The following UNC13C variants were observed in gnomAD, a reference collection of about 807,000 sequenced individuals.
The protein encoded by UNC13C is unc-13 homolog C, also known as protein unc-13 homolog C.
A neutral mutation model predicts 245.4 loss-of-function variants in UNC13C; 174 were observed. That is an observed-to-expected ratio of 0.71 (90% CI 0.63 to 0.80). UNC13C has a LOEUF of 0.80. Among genes scored for constraint, UNC13C ranks in the 30% least tolerant of loss-of-function variants. UNC13C has a pLI of 0.00. For synonymous variants in UNC13C, 992 were observed against 895.1 expected (o/e 1.11, Z -1.93); for missense variants, 2,829 against 2,602.9 (o/e 1.09, Z -1.89).
chr15:54,217,177 T>C (rs141933233), intron 4 of UNC13C, among the ~76,000 whole-genome samples: 137 of 152,048 alleles, frequency 9.0e-4, no homozygotes, highest in African/African-American at 3.2e-3. Flanking sequence ...ATCAAAGTAG[T>C]GTTTTTCAGA....
chr15:54,512,219 C>G (rs971015656), intron 24 of UNC13C: 1 of 411,472 alleles, frequency 2.4e-6, no homozygotes, highest in African/African-American at 2.1e-5. Context: ...CTTTGTGGTG[C>G]TATTGGTTTT....
intron 1 of UNC13C, among the ~76,000 whole-genome samples, chr15:53,990,377 G>T (rs752640916): frequency 1.3e-5 from 2 of 151,952 alleles, no homozygotes; most frequent in African/African-American, 2.4e-5. Context: ...AAGATTAAAT[G>T]CAAAGTGAGA....
the UNC13C span, among the ~76,000 whole-genome samples, chr15:53,884,625 G>A: frequency 3.3e-5 from 5 of 152,130 alleles, no homozygotes; most frequent in East Asian, 1.9e-4. Context: ...ATGAGTCATC[G>A]CACCTGGCCA....
At chr15:54,117,574 T>C (rs1322240249) in intron 2 of UNC13C, among the ~76,000 whole-genome samples, 2 of 150,756 alleles carry the variant, frequency 1.3e-5, no homozygotes, top group Non-Finnish European at 3.0e-5. Flanking sequence ...TCTCATTTTC[T>C]CTATCTCTAG....
Position 54,567,905 on chromosome 15 carries a change from G to A in UNC13C, c.6064G>A (p.Asp2022Asn), listed in dbSNP as rs748619710. The change falls in exon 30 of 33, where the codon GAT (aspartate) becomes AAT (asparagine). Residue 2022 changes from aspartate to asparagine, a missense_variant. Transcript: ENST00000260323. ...YALSLYTQTT[D>N]ALIKKFIDTQ... ...TCTCAGTCTTTATACCCAAACTACT[G>A]ATGCCTTGATAAAGAAATTCATAGA... The A allele has an allele frequency of 6.3e-7, 1 of 1,586,878 alleles. No homozygotes were observed.
chr15:54,625,536 A>G (rs888985216), intron 32 of UNC13C, among the ~76,000 whole-genome samples: 3 of 152,164 alleles, frequency 2.0e-5, no homozygotes, highest in East Asian at 1.9e-4. Context: ...ATGTCATTTA[A>G]TTCAACAAAT....
the UNC13C span, among the ~76,000 whole-genome samples, chr15:53,840,908 A>G: frequency 4.6e-5 from 7 of 152,160 alleles, no homozygotes; most frequent in African/African-American, 1.7e-4. Flanking sequence ...GAGGCATAGC[A>G]TGGGTACATC....
At chr15:53,886,194 C>T in the UNC13C span, among the ~76,000 whole-genome samples, 1 of 151,976 alleles carries the variant, frequency 6.6e-6, no homozygotes, top group African/African-American at 2.4e-5. Flanking sequence ...TACCGAACAC[C>T]CAATCCTGGT....
intron 26 of UNC13C, among the ~76,000 whole-genome samples, chr15:54,544,861 G>A (rs1370148779): frequency 1.3e-5 from 2 of 152,126 alleles, no homozygotes; most frequent in Non-Finnish European, 2.9e-5. Flanking sequence ...TTGTGAAAAT[G>A]GCCATACTGC....
At chr15:54,475,323 A>G (rs1892676112) in intron 19 of UNC13C, among the ~76,000 whole-genome samples, 1 of 117,974 alleles carries the variant, frequency 8.5e-6, no homozygotes, top group African/African-American at 3.0e-5. Context: ...TATTATTATT[A>G]TACTTTAAGT....
chr15:54,304,792 A>C lies in UNC13C; in HGVS notation c.4268+4419A>C, dbSNP rs11632367. Among the ~76,000 whole-genome samples the C allele has an allele frequency of 2.3e-3, 348 of 152,172 alleles. 1 individual carries two copies. Among genetic ancestry groups the C allele is most frequent in the Admixed American group, 1.0e-2 (152 of 15,262 alleles). ...TTTCCATTACTTTGCCAGAAGAAAA[A>C]AATTCTGTTGACAATCTGATCAATC... On this transcript the variant is annotated intron_variant, in intron 13 of 32. Coordinates refer to ENST00000260323, the MANE Select transcript of UNC13C (RefSeq NM_001080534.3).
At chr15:54,159,778 T>G (rs1370327247) in intron 4 of UNC13C, among the ~76,000 whole-genome samples, 2 of 152,172 alleles carry the variant, frequency 1.3e-5, no homozygotes, top group Non-Finnish European at 2.9e-5. Flanking sequence ...ACATGAGGGT[T>G]GTGCCTATAT....
chr15:54,153,123 T>C (rs1246830112), intron 4 of UNC13C, among the ~76,000 whole-genome samples: 1 of 152,262 alleles, frequency 6.6e-6, no homozygotes, highest in African/African-American at 2.4e-5. Flanking sequence ...CCATATACTT[T>C]CTTAAATATG....
At chr15:54,437,871 T>G (rs191975935) in intron 19 of UNC13C, among the ~76,000 whole-genome samples, 25 of 152,058 alleles carry the variant, frequency 1.6e-4, no homozygotes, top group African/African-American at 4.8e-4. Flanking sequence ...TTAAGTAAGG[T>G]ACTTACAAGC....
At chr15:54,599,311 T>C (rs1414126577) in intron 30 of UNC13C, among the ~76,000 whole-genome samples, 1 of 152,160 alleles carries the variant, frequency 6.6e-6, no homozygotes, top group Non-Finnish European at 1.5e-5. Context: ...TGAGGGTTTA[T>C]GCCAGCTTCA....
chr15:54,539,954 A>G lies in UNC13C; in HGVS notation c.5697-6768A>G, dbSNP rs139197372. ...AATTATTGGTGGAAAGAGATAACGT[A>G]TAAAGTTAGGAAATAATCTATGAGC... On this transcript the variant is annotated intron_variant, in intron 26 of 32. Transcript: ENST00000260323. Among the ~76,000 whole-genome samples, 1,080 of 152,246 alleles carry G rather than the reference A, an allele frequency of 7.1e-3. 11 individuals are homozygous for G. The highest frequency in any genetic ancestry group is 0.025 in the African/African-American group (1,031 of 41,566).
chr15:54,124,296 C>T (rs1173576066), intron 2 of UNC13C, among the ~76,000 whole-genome samples: 1 of 152,170 alleles, frequency 6.6e-6, no homozygotes, highest in East Asian at 1.9e-4. Flanking sequence ...GCATCCTCTC[C>T]ACCATTTGGT....
chr15:54,151,855 G>A (rs1197752719), intron 4 of UNC13C, among the ~76,000 whole-genome samples: 1 of 152,158 alleles, frequency 6.6e-6, no homozygotes, highest in African/African-American at 2.4e-5. Context: ...CACAGCTCTG[G>A]TTGGCTTCTT....
At chr15:54,441,366 C>T (rs899499591) in intron 19 of UNC13C, among the ~76,000 whole-genome samples, 5 of 151,930 alleles carry the variant, frequency 3.3e-5, no homozygotes, top group Non-Finnish European at 7.4e-5. Flanking sequence ...GATAGGGGTC[C>T]AGTTTCGTTC....
Sources: gnomAD v4.1 joint callset for allele counts (sites outside exome capture counted in the v4.1 genomes callset) on GRCh38, gnomAD v4.1.1 for gene constraint, MANE v1.5 for transcripts, NCBI Gene and HGNC (gene_info 2026-07-23, HGNC 2026-07-21) for gene names.